Variants in LMF1 observed in about 807,000 individuals in gnomAD.
The protein encoded by LMF1 is transmembrane protein 112.
Under a neutral mutation model 60.6 loss-of-function variants are expected in LMF1, and 68 were observed. The ratio of observed to expected loss-of-function variants is 1.12; its 90% CI spans 0.92 to 1.37. The LOEUF (loss-of-function observed/expected upper bound fraction) is 1.37. Among genes scored for constraint, LMF1 ranks in the 40% most tolerant of loss-of-function variants. The pLI is 0.00. For missense variants in LMF1, 948 were observed against 767.2 expected, an observed-to-expected ratio of 1.24 and a Z score of -2.78; for synonymous variants, 418 against 324.7, an observed-to-expected ratio of 1.29 and a Z score of -3.09.
At position 878,524 on chromosome 16, in the gene LMF1, G is replaced by A. The variant is rs976642778; in HGVS notation, c.897+1046C>T. On this transcript the variant is annotated intron_variant, in intron 6 of 10. Coordinates refer to ENST00000262301, the MANE Select transcript of LMF1 (RefSeq NM_022773.4). The surrounding 1 kb of genome is among the most constrained non-coding windows in gnomAD (Gnocchi z 5.2). ...AATACATCCACAGGATGACGAGATT[G>A]CACCTCTGCACGGCAGGCTGTGGTG... Among the ~76,000 whole-genome samples, 1 of 152,208 alleles carries A rather than the reference G, an allele frequency of 6.6e-6. No homozygotes were observed. The highest frequency in any genetic ancestry group is 2.1e-4 in the South Asian group (1 of 4,834).
intron 9 of LMF1, chr16:869,619 A>G (rs1440917415): frequency 3.0e-6 from 2 of 656,058 alleles, no homozygotes; most frequent in East Asian, 2.9e-5. Context: ...GGGTCTCGCT[A>G]TGGCACCCGG....
chr16:879,098 T>A lies in LMF1; in HGVS notation c.897+472A>T, dbSNP rs1364491048. On this transcript the variant is annotated intron_variant, in intron 6 of 10. Coordinates refer to ENST00000262301, the MANE Select transcript of LMF1 (RefSeq NM_022773.4). ...ACGGGGCGTTAGGGGGTACCCGGGG[T>A]TCCGGGGGCTGGGGGAGGCAGCCCC... 2.0e-5 allele frequency among the ~76,000 whole-genome samples: 3 copies of A among 151,726 alleles called. No individual in the cohort carries two copies. The East Asian group carries it at 5.8e-4, about 30-fold the overall frequency.
At chr16:946,911 C>G (rs2072251109) in intron 2 of LMF1, among the ~76,000 whole-genome samples, 2 of 152,256 alleles carry the variant, frequency 1.3e-5, no homozygotes. Flanking sequence ...CAGACACACA[C>G]AGGCTCCCAT....
intron 3 of LMF1, among the ~76,000 whole-genome samples, chr16:924,170 G>A (rs1000055437): frequency 1.3e-5 from 2 of 152,236 alleles, no homozygotes; most frequent in Admixed American, 6.5e-5. Context: ...ACATTAGGGT[G>A]TGTGAGGGCA....
rs550632011 is a variant in LMF1, at chr16:853,744, G to A, written c.*788C>T. ...GTGCAGTAGACGCTGTTTGTCCGAC[G>A]ATGATGAAAGTGTGCACGGCCGGCT... is the stretch of plus-strand genomic sequence containing the variant. On this transcript the variant is annotated 3_prime_UTR_variant, in exon 11 of 11. Transcript: ENST00000262301. 5.5e-5 allele frequency: 25 copies of A among 454,156 alleles called. 1 individual carries two copies. Among genetic ancestry groups the A allele is most frequent in the African/African-American group, 2.8e-4 (14 of 50,142 alleles). 28.1% of individuals were successfully genotyped at this position (454,156 alleles called of 1,614,324 possible).
chr16:940,054 G>A (rs2072054847), intron 2 of LMF1, among the ~76,000 whole-genome samples: 1 of 152,170 alleles, frequency 6.6e-6, no homozygotes, highest in Admixed American at 6.5e-5. Flanking sequence ...CCAAAGGGGA[G>A]GAGGCAAAGC....
Position 893,030 on chromosome 16 carries a change from T to G in LMF1, c.706A>C (p.Thr236Pro). The change falls in exon 5 of 11, where the codon ACC becomes CCC. Residue 236 changes from threonine (T) to proline (P), a missense_variant. Coordinates refer to ENST00000262301, the MANE Select transcript of LMF1 (RefSeq NM_022773.4). The part of the protein sequence containing the change: ...IRGDRCWRDL[T>P]CMDFHYETQP... The stretch of plus-strand genomic sequence containing the variant: ...ACCTCATAGTGGAAGTCCATGCAGG[T>G]GAGGTCTCGCCAGCACCGGTCCCCC... 1 of 1,551,552 alleles carries G rather than the reference T, an allele frequency of 6.4e-7. No individual in the cohort carries two copies. The highest frequency in any genetic ancestry group is 8.7e-7 in the Non-Finnish European group (1 of 1,147,564).
At chr16:910,541 C>G (rs948038604) in intron 4 of LMF1, among the ~76,000 whole-genome samples, 1 of 152,158 alleles carries the variant, frequency 6.6e-6, no homozygotes, top group Non-Finnish European at 1.5e-5. Flanking sequence ...CCCACCATGG[C>G]CTGAGACTCT....
At chr16:925,236 G>T (rs952806350) in intron 3 of LMF1, among the ~76,000 whole-genome samples, 1 of 152,200 alleles carries the variant, frequency 6.6e-6, no homozygotes, top group African/African-American at 2.4e-5. Context: ...CCACGTTGAA[G>T]ATTCTAGATT....
At chr16:949,202 C>T (rs2072358304) in intron 2 of LMF1, among the ~76,000 whole-genome samples, 1 of 142,864 alleles carries the variant, frequency 7.0e-6, no homozygotes, top group African/African-American at 2.7e-5. Context: ...CAATGACAGT[C>T]AGCCAACGAC....
chr16:903,668 C>T (rs1596958253), intron 4 of LMF1: 1 of 116,480 alleles, frequency 8.6e-6, no homozygotes, highest in African/African-American at 4.2e-5. Flanking sequence ...CCACAGGACG[C>T]CTGTCTCTGC....
intron 10 of LMF1, among the ~76,000 whole-genome samples, chr16:860,277 C>T (rs190806682): frequency 1.4e-4 from 22 of 151,804 alleles, no homozygotes; most frequent in African/African-American, 4.1e-4. Context: ...TTTCACAGAT[C>T]ATCTTTAAGT....
At chr16:963,875 A>G (rs1000322708) in intron 1 of LMF1, among the ~76,000 whole-genome samples, 6 of 149,246 alleles carry the variant, frequency 4.0e-5, no homozygotes, top group African/African-American at 1.5e-4. Flanking sequence ...ACCTCTACTC[A>G]TGTTATAAAA....
chr16:954,947 G>A (rs371858727), intron 1 of LMF1, among the ~76,000 whole-genome samples: 1,471 of 98,012 alleles, frequency 0.015, 59 homozygotes, highest in South Asian at 0.029. Context: ...CAGCAGACGC[G>A]GTGTGTGCAT....
chr16:952,825 A>C (rs62013821), intron 2 of LMF1, among the ~76,000 whole-genome samples: 107 of 86,362 alleles, frequency 1.2e-3, no homozygotes, highest in Middle Eastern at 5.6e-3. Context: ...ACCCACCCCA[A>C]ACCAGCCTCC....
chr16:977,548 T>C (rs2073183330), intron 1 of LMF1, among the ~76,000 whole-genome samples: 1 of 152,142 alleles, frequency 6.6e-6, no homozygotes, highest in African/African-American at 2.4e-5. Context: ...ATGCAGGGGC[T>C]GGGAGGCCCG....
chr16:960,366 C>CT (rs2072800541), intron 1 of LMF1, among the ~76,000 whole-genome samples: 1 of 105,668 alleles, frequency 9.5e-6, no homozygotes, highest in African/African-American at 4.0e-5. Context: ...GACCCAGACA[C>CT]AGACTCACGG....
rs9934545 is a variant in LMF1, at chr16:917,526, T to C, written c.515-6447A>G. 3.5e-3 allele frequency among the ~76,000 whole-genome samples: 392 copies of C among 113,120 alleles called. 6 individuals are homozygous for C. The highest frequency in any genetic ancestry group is 0.013 in the Middle Eastern group (2 of 152). 74.2% of individuals were successfully genotyped at this position (113,120 alleles called of 152,430 possible). ...GAAGAAATGCCACACGTGTGCGCTG[T>C]GGGCGGGCGCAGGCCCACGTGAAGA... On this transcript the variant is annotated intron_variant, in intron 3 of 10. Coordinates refer to ENST00000262301, the MANE Select transcript of LMF1 (RefSeq NM_022773.4).
At chr16:879,805 T>G (rs981932853) in intron 5 of LMF1, 68 bp from the exon 6 acceptor site, 13 of 1,466,126 alleles carry the variant, frequency 8.9e-6, no homozygotes, top group African/African-American at 2.8e-5. Context: ...GAGAGGCTTG[T>G]GGGTCCCTGG....
Sources: allele counts gnomAD v4.1 joint callset (sites outside exome capture counted in the v4.1 genomes callset), GRCh38; gene constraint gnomAD v4.1.1; non-coding constraint Gnocchi (gnomAD v3.1); transcripts MANE v1.5; gene names NCBI Gene and HGNC (gene_info 2026-07-23, HGNC 2026-07-21).